The following FRA10AC1 variants were observed in gnomAD, a reference collection of about 807,000 sequenced individuals.
FRA10AC1 encodes the protein protein FRA10AC1.
FRA10AC1 carries 43 observed loss-of-function variants against 56.5 expected under a neutral mutation model. The ratio of observed to expected loss-of-function variants is 0.76; its 90% confidence interval spans 0.60 to 0.98. The LOEUF is 0.98. Among genes scored for constraint, FRA10AC1 ranks in the 50% least tolerant of loss-of-function variants. The pLI is 0.00. For missense variants in FRA10AC1, 346 were observed against 351.8 expected (o/e 0.98, Z 0.13); for synonymous variants, 112 against 110.5 (o/e 1.01, Z -0.09).
rs565314461 is a variant in FRA10AC1, at chr10:93,699,705, TACA to T, written c.77+322_77+324del. Among the ~76,000 whole-genome samples the T allele has an allele frequency of 5.4e-4, 82 of 152,356 alleles. No homozygotes were observed. In the Middle Eastern group the frequency reaches 0.01, roughly 19 times the overall value. On this transcript the variant is annotated intron_variant, in intron 2 of 13. Coordinates refer to ENST00000359204, the MANE Select transcript of FRA10AC1 (RefSeq NM_145246.5). ...ACCACCATTCAAGCCCCTTCTGAGC[TACA>T]ACATTTACAAATAAACAGTCCTTGA...
In FRA10AC1 at chr10:93,702,517, C is replaced by T. The variant is rs1199506838; in HGVS notation, c.-143G>A. The T allele has an allele frequency of 5.7e-6, 1 of 174,510 alleles. No individual in the cohort carries two copies. The highest frequency in any genetic ancestry group is 1.1e-5 in the Non-Finnish European group (1 of 88,978). 10.8% of individuals were successfully genotyped at this position (174,510 alleles called of 1,614,324 possible). On this transcript the variant is annotated 5_prime_UTR_variant, in exon 1 of 14. Coordinates refer to ENST00000359204, the MANE Select transcript of FRA10AC1 (RefSeq NM_145246.5). ...GCCCTGCCGCACAGCCTCGCCACAA[C>T]CACCACCGCCGCCGCCGCCGCCGCC...
chr10:93,673,404 T>C (rs2058796298), intron 12 of FRA10AC1: 2 of 455,480 alleles, frequency 4.4e-6, no homozygotes, highest in Non-Finnish European at 8.8e-6. Flanking sequence ...GTTTTCTCCA[T>C]ACCTCAGTTT....
intron 12 of FRA10AC1, chr10:93,671,750 A>T: frequency 3.3e-6 from 1 of 299,366 alleles, no homozygotes; most frequent in Non-Finnish European, 6.4e-6. Context: ...ACATATGCAC[A>T]TTATATACAT....
intron 1 of FRA10AC1, among the ~76,000 whole-genome samples, chr10:93,701,121 C>T (rs925000221): frequency 1.3e-5 from 2 of 152,182 alleles, no homozygotes; most frequent in Non-Finnish European, 2.9e-5. Context: ...CATTTTAGAA[C>T]TGAAATTCTT....
At chr10:93,698,816 C>G (rs776312811) in intron 2 of FRA10AC1, among the ~76,000 whole-genome samples, 3 of 152,238 alleles carry the variant, frequency 2.0e-5, no homozygotes, top group Non-Finnish European at 4.4e-5. Context: ...AACCACAGAT[C>G]CAGCTCGCCC....
chr10:93,685,543 A>T (rs1034926030), intron 8 of FRA10AC1, 184 bp from the exon 9 acceptor site: 4 of 120,162 alleles, frequency 3.3e-5, no homozygotes, highest in Non-Finnish European at 5.8e-5. Context: ...TACTGTTACC[A>T]AAAAAAATCA....
chr10:93,681,371 C>T (rs2133908410), intron 11 of FRA10AC1, 109 bp downstream of exon 11: 1 of 734,780 alleles, frequency 1.4e-6, no homozygotes, highest in Non-Finnish European at 2.2e-6. Context: ...CTCTCAACTA[C>T]CATAAAATGA....
chr10:93,693,395 T>C (rs903586659), intron 5 of FRA10AC1, among the ~76,000 whole-genome samples: 6 of 148,392 alleles, frequency 4.0e-5, no homozygotes, highest in Non-Finnish European at 8.9e-5. Context: ...ACACACACTA[T>C]AGCAGCACAA....
At chr10:93,673,258 C>T (rs1173859167) in intron 12 of FRA10AC1, 1 of 452,050 alleles carries the variant, frequency 2.2e-6, no homozygotes, top group African/African-American at 2.0e-5. Context: ...AAGTCTCCTA[C>T]ATAGTAGCAG....
chr10:93,689,269 A>AT (rs1418995146), intron 7 of FRA10AC1, among the ~76,000 whole-genome samples: 4 of 151,714 alleles, frequency 2.6e-5, no homozygotes, highest in Non-Finnish European at 4.4e-5. Context: ...AATTTCAATT[A>AT]TTTTTTTTAA....
At chr10:93,670,243 A>G (rs573328482) in intron 13 of FRA10AC1, among the ~76,000 whole-genome samples, 56 of 152,294 alleles carry the variant, frequency 3.7e-4, no homozygotes, top group African/African-American at 1.3e-3. Flanking sequence ...AAAAGAAACT[A>G]TTTTTAAGGA....
intron 8 of FRA10AC1, among the ~76,000 whole-genome samples, chr10:93,686,122 G>T (rs1345918827): frequency 1.3e-5 from 2 of 151,768 alleles, no homozygotes; most frequent in African/African-American, 4.8e-5. Context: ...ACAATAATTT[G>T]CACTAACAGA....
At position 93,669,773 on chromosome 10, in the gene FRA10AC1, T is replaced by C; in HGVS notation, c.*53A>G. 1 of 1,219,038 alleles carries C rather than the reference T, an allele frequency of 8.2e-7. No homozygotes were observed. Among genetic ancestry groups the C allele is most frequent in the East Asian group, 2.4e-5 (1 of 41,150 alleles). The allele number at this position is 1,219,038 out of a possible 1,614,324, so 75.5% of individuals were successfully genotyped here. A position where few individuals can be genotyped will look rare whatever the true frequency, so the allele number is the denominator to read the frequency against. On this transcript the variant is annotated 3_prime_UTR_variant, in exon 14 of 14. Transcript: ENST00000359204. ...ATATGGAATTTCAAATTGCATGAAG[T>C]TTAAAACTTCATGAAGTTTCACATT... is the stretch of plus-strand genomic sequence containing the variant.
intron 1 of FRA10AC1, among the ~76,000 whole-genome samples, 167 bp downstream of exon 1, chr10:93,702,208 G>A: frequency 7.0e-6 from 1 of 143,296 alleles, no homozygotes; most frequent in Non-Finnish European, 1.5e-5. Flanking sequence ...AGAGCGGGGA[G>A]AAACTCAAAA....
At position 93,681,490 on chromosome 10, in the gene FRA10AC1, T is replaced by C; in HGVS notation, c.777A>G (p.Lys259=). The change falls in exon 11 of 14, where the codon AAA becomes AAG. Residue 259 remains lysine, a synonymous_variant. Coordinates refer to ENST00000359204, the MANE Select transcript of FRA10AC1 (RefSeq NM_145246.5). ...RLSSAEEASK[K]KDKGHSSSKK... ...TTAATTTCCTTTTACCTTTATCTTT[T>C]TTCTTGGAGGCCTCTTCTGCAGAAG... The C allele has an allele frequency of 6.4e-7, 1 of 1,563,936 alleles. No individual in the cohort carries two copies. Among genetic ancestry groups the C allele is most frequent in the Non-Finnish European group, 8.6e-7 (1 of 1,156,514 alleles).
rs367691905 is a variant in FRA10AC1 at position 93,695,046 on chromosome 10, TAAAAATATTC to T, written c.220-119_220-110del. On this transcript the variant is annotated intron_variant, in intron 4 of 13. Transcript: ENST00000359204. The stretch of plus-strand genomic sequence containing the variant: ...CACAATATGAGTCTATTTAGCTTTT[TAAAAATATTC>T]ACACACTATACATGCTTACACATTC... 2.6e-5 allele frequency: 17 copies of T among 661,276 alleles called. No homozygotes were observed. The African/African-American group carries it at 2.7e-4, about 11-fold the overall frequency. 41.0% of individuals were successfully genotyped at this position (661,276 alleles called of 1,614,324 possible). A position where few individuals can be genotyped will look rare whatever the true frequency, so the allele number is the denominator to read the frequency against.
intron 13 of FRA10AC1, 53 bp from the exon 14 acceptor site, chr10:93,669,921 A>C: frequency 1.1e-6 from 1 of 908,248 alleles, no homozygotes; most frequent in Non-Finnish European, 1.8e-6. Context: ...AAATTACTAC[A>C]TGATACATTA....
At chr10:93,674,616 C>T (rs2133895604) in intron 12 of FRA10AC1, 1 of 152,204 alleles carries the variant, frequency 6.6e-6, no homozygotes. Context: ...ATTCACCCTG[C>T]TTCTACTAGT....
In FRA10AC1 at chr10:93,681,577, T is replaced by G. The variant is rs773672925; in HGVS notation, c.690A>C (p.Lys230Asn). The G allele has an allele frequency of 4.5e-6, 7 of 1,544,618 alleles. No individual in the cohort carries two copies. The highest frequency in any genetic ancestry group is 6.1e-6 in the Non-Finnish European group (7 of 1,146,742). The stretch of plus-strand genomic sequence containing the variant: ...CTTTTTTGGTTTTATCTTTTCTTTT[T>G]TTTGACTTGATTTCTTTTCTCCTTT... ...FHHRRKEIKS[K>N]KRKDKTKKDC... is the part of the protein sequence containing the mutation. Residue 230 changes from lysine to asparagine, a missense_variant, in exon 11 of 14, where the codon AAA becomes AAC. By Grantham distance (94) the Lys-to-Asn change is moderately conservative. Coordinates refer to ENST00000359204, the MANE Select transcript of FRA10AC1 (RefSeq NM_145246.5).
Sources: allele counts gnomAD v4.1 joint callset (sites outside exome capture counted in the v4.1 genomes callset), GRCh38; gene constraint gnomAD v4.1.1; transcripts MANE v1.5; gene names NCBI Gene and HGNC (gene_info 2026-07-23, HGNC 2026-07-21).